KCNAB1: variants seen among roughly 807,000 people sequenced by gnomAD.
KCNAB1 encodes voltage-gated potassium channel subunit beta-1.
KCNAB1 carries 35 observed loss-of-function variants against 64.6 expected under a neutral mutation model. The ratio of observed to expected loss-of-function variants is 0.54; its 90% CI spans 0.41 to 0.72. The LOEUF is 0.72. Among genes scored for constraint, KCNAB1 ranks in the 30% least tolerant of loss-of-function variants. KCNAB1 has a pLI of 0.00. For missense variants in KCNAB1, 401 were observed against 512.9 expected, an observed-to-expected ratio of 0.78 and a Z score of 2.11; for synonymous variants, 177 against 183.8, an observed-to-expected ratio of 0.96 and a Z score of 0.30.
chr3:156,533,236 T>G (rs1718824615), intron 13 of KCNAB1, among the ~76,000 whole-genome samples: 1 of 152,194 alleles, frequency 6.6e-6, no homozygotes, highest in South Asian at 2.1e-4. Context: ...ACATTAAATG[T>G]TTTTGCAAAA....
chr3:156,535,172 A>G (rs963366634), intron 13 of KCNAB1, among the ~76,000 whole-genome samples: 4 of 152,360 alleles, frequency 2.6e-5, no homozygotes, highest in African/African-American at 9.6e-5. Context: ...ATTAACCAGA[A>G]TGAAGTTTCC....
chr3:156,291,120 A>G (rs776761996), intron 1 of KCNAB1: 186 of 985,388 alleles, frequency 1.9e-4, no homozygotes, highest in Non-Finnish European at 2.2e-4. Context: ...GATTTGTTAC[A>G]GCAAGAGCCT....
intron 8 of KCNAB1, among the ~76,000 whole-genome samples, chr3:156,488,263 T>A (rs2108346245): frequency 6.6e-6 from 1 of 150,588 alleles, no homozygotes; most frequent in South Asian, 2.1e-4. Context: ...AAAAGTTAAA[T>A]TGTATAGAAT....
intron 1 of KCNAB1, among the ~76,000 whole-genome samples, chr3:156,190,820 A>T (rs1222391971): frequency 6.6e-6 from 1 of 152,106 alleles, no homozygotes; most frequent in Non-Finnish European, 1.5e-5. Context: ...CAGTCTCCCA[A>T]GTAGCTGGGA....
At position 156,181,943 on chromosome 3, in the gene KCNAB1, G is replaced by A. The variant is rs972108737; in HGVS notation, c.275+61057G>A. Among the ~76,000 whole-genome samples the A allele has an allele frequency of 1.8e-4, 28 of 152,138 alleles. 1 individual carries two copies. Among genetic ancestry groups the A allele is most frequent in the African/African-American group, 6.3e-4 (26 of 41,436 alleles). On this transcript the variant is annotated intron_variant, in intron 1 of 13. Transcript: ENST00000490337. Reference sequence around the variant, plus strand: ...ATTGGAGTATATAAAAGATTATTAAGTTATATGAAAAGTTTTACCAGGAAA... The same window carrying A: ...ATTGGAGTATATAAAAGATTATTAAATTATATGAAAAGTTTTACCAGGAAA...
At chr3:156,165,424 T>G (rs1301142447) in intron 1 of KCNAB1, among the ~76,000 whole-genome samples, 1 of 152,066 alleles carries the variant, frequency 6.6e-6, no homozygotes, top group Non-Finnish European at 1.5e-5. Flanking sequence ...GGTCAGTGGA[T>G]GTGCAGTTTG....
At chr3:156,388,810 G>C (rs1366856043) in intron 1 of KCNAB1, among the ~76,000 whole-genome samples, 1 of 152,184 alleles carries the variant, frequency 6.6e-6, no homozygotes, top group Non-Finnish European at 1.5e-5. Context: ...CAAATCTCTT[G>C]AGAAGCCCAC....
At chr3:156,412,015 A>T (rs1177347593) in intron 1 of KCNAB1, among the ~76,000 whole-genome samples, 1 of 152,188 alleles carries the variant, frequency 6.6e-6, no homozygotes, top group East Asian at 1.9e-4. Flanking sequence ...CATGAAAATG[A>T]TATGCCTCTC....
intron 1 of KCNAB1, among the ~76,000 whole-genome samples, chr3:156,127,945 C>T (rs1424225330): frequency 6.6e-6 from 1 of 150,394 alleles, no homozygotes; most frequent in Non-Finnish European, 1.5e-5. Flanking sequence ...CTGGTTTCTT[C>T]TGAATAACTG....
intron 12 of KCNAB1, 34 bp downstream of exon 12, chr3:156,523,981 G>A: frequency 6.2e-7 from 1 of 1,601,676 alleles, no homozygotes; most frequent in Non-Finnish European, 8.5e-7. Context: ...GGTGGTAGAG[G>A]GACTTCTGCT....
chr3:156,291,425 A>G (rs1720407835), intron 1 of KCNAB1: 4 of 1,008,088 alleles, frequency 4.0e-6, no homozygotes, highest in Non-Finnish European at 4.7e-6. Flanking sequence ...CCTGTGGTCC[A>G]GGGGATGCTG....
At chr3:156,528,190 AGAG>A (rs1718461881) in intron 12 of KCNAB1, among the ~76,000 whole-genome samples, 1 of 148,820 alleles carries the variant, frequency 6.7e-6, no homozygotes, top group Non-Finnish European at 1.5e-5. Context: ...AAAAAAAAAG[AGAG>A]AGAAAGATTG....
chr3:156,448,132 A>C (rs187200478), intron 2 of KCNAB1, among the ~76,000 whole-genome samples: 2 of 152,324 alleles, frequency 1.3e-5, no homozygotes, highest in Admixed American at 1.3e-4. Context: ...TTGGTCCATA[A>C]AGGGGTTTAA....
intron 1 of KCNAB1, among the ~76,000 whole-genome samples, chr3:156,242,570 T>C (rs1012412152): frequency 6.6e-6 from 1 of 152,164 alleles, no homozygotes; most frequent in East Asian, 1.9e-4. Flanking sequence ...TTTCTTCCAC[T>C]TTATTCTTTA....
intron 1 of KCNAB1, among the ~76,000 whole-genome samples, chr3:156,201,475 A>G (rs1359486569): frequency 1.3e-5 from 2 of 152,180 alleles, no homozygotes; most frequent in African/African-American, 4.8e-5. Flanking sequence ...ATTATCACTC[A>G]AAGTTCATAG....
chr3:156,171,793 T>C (rs1030381937), intron 1 of KCNAB1, among the ~76,000 whole-genome samples: 1 of 152,340 alleles, frequency 6.6e-6, no homozygotes, highest in East Asian at 1.9e-4. Flanking sequence ...ACAGTCAGTT[T>C]CTGAAAATTT....
At chr3:156,176,079 C>A in intron 1 of KCNAB1, 1 of 770,022 alleles carries the variant, frequency 1.3e-6, no homozygotes. Flanking sequence ...CAAAGTTGTG[C>A]ACATTTCCTT....
chr3:156,138,401 G>A (rs938965540), intron 1 of KCNAB1, among the ~76,000 whole-genome samples: 2 of 152,058 alleles, frequency 1.3e-5, no homozygotes, highest in Non-Finnish European at 2.9e-5. Flanking sequence ...TCCCCACCCC[G>A]GCAGTGACAG....
At chr3:156,257,889 G>C (rs939403709) in intron 1 of KCNAB1, among the ~76,000 whole-genome samples, 2 of 152,200 alleles carry the variant, frequency 1.3e-5, no homozygotes, top group African/African-American at 4.8e-5. Flanking sequence ...GGACCAAGTA[G>C]CTGAATCACT....
Sources: gnomAD v4.1 joint callset for allele counts (sites outside exome capture counted in the v4.1 genomes callset) on GRCh38, gnomAD v4.1.1 for gene constraint, MANE v1.5 for transcripts, NCBI Gene and HGNC (gene_info 2026-07-23, HGNC 2026-07-21) for gene names.